The following PBX1 variants were observed in gnomAD, a reference collection of about 807,000 sequenced individuals.
PBX1 encodes PBX homeobox 1, also known as pre-B-cell leukemia transcription factor 1.
PBX1 carries 6 observed loss-of-function variants against 53.4 expected under a neutral mutation model. The observed-to-expected ratio is 0.11, with a 90% CI of 0.06 to 0.22. PBX1 has a LOEUF of 0.22. Ranked by LOEUF, PBX1 falls within the 10% of genes least tolerant of loss-of-function variation. PBX1 has a pLI of 1.00. For missense variants in PBX1, 251 were observed against 551.4 expected (o/e 0.46, Z 5.46); for synonymous variants, 204 against 212.3 (o/e 0.96, Z 0.34).
chr1:164,748,039 C>T (rs867913826), intron 2 of PBX1, among the ~76,000 whole-genome samples: 10 of 152,040 alleles, frequency 6.6e-5, no homozygotes, highest in African/African-American at 2.4e-4. Flanking sequence ...CAAGTTTAGC[C>T]ATTGTGATAA....
chr1:164,750,692 G>T (rs1666163742), intron 2 of PBX1, among the ~76,000 whole-genome samples: 1 of 152,086 alleles, frequency 6.6e-6, no homozygotes, highest in African/African-American at 2.4e-5. Context: ...TGTTTCAGTG[G>T]GTTCTTTTTA....
At chr1:164,635,741 G>A (rs974206495) in intron 2 of PBX1, among the ~76,000 whole-genome samples, 3 of 152,176 alleles carry the variant, frequency 2.0e-5, no homozygotes, top group Non-Finnish European at 4.4e-5. Context: ...CTATTATATT[G>A]CAACATAACA....
At chr1:164,601,184 C>T (rs763865239) in intron 2 of PBX1, among the ~76,000 whole-genome samples, 3 of 137,696 alleles carry the variant, frequency 2.2e-5, no homozygotes, top group African/African-American at 8.4e-5. Context: ...TGCAGTGAGC[C>T]GAGATTGTGC....
At chr1:164,616,125 C>T (rs1657261645) in intron 2 of PBX1, among the ~76,000 whole-genome samples, 1 of 152,192 alleles carries the variant, frequency 6.6e-6, no homozygotes, top group Non-Finnish European at 1.5e-5. Context: ...CTCTCCACCT[C>T]TGGAGTGGCA....
intron 2 of PBX1, among the ~76,000 whole-genome samples, chr1:164,781,321 G>A (rs967008218): frequency 1.3e-5 from 2 of 152,156 alleles, no homozygotes; most frequent in Non-Finnish European, 2.9e-5. Flanking sequence ...TCTCCTCTAA[G>A]TAGGGTGCAT....
chr1:164,848,218 G>T lies in PBX1; in HGVS notation c.*1542G>T. 1 of 1,051,560 alleles carries T rather than the reference G, an allele frequency of 9.5e-7. No homozygotes were observed. The highest frequency in any genetic ancestry group is 1.1e-6 in the Non-Finnish European group (1 of 870,712). 65.1% of individuals were successfully genotyped at this position (1,051,560 alleles called of 1,614,324 possible). A position where few individuals can be genotyped will look rare whatever the true frequency, so the allele number is the denominator to read the frequency against. ...TGTACTAAAAATACATGAGAAAATAGCATGTATATGAAAGCTATTCTCAAA... is the reference window on the plus strand; with the variant it reads ...TGTACTAAAAATACATGAGAAAATATCATGTATATGAAAGCTATTCTCAAA... On this transcript the variant is annotated 3_prime_UTR_variant, in exon 9 of 9. Transcript: ENST00000420696.
chr1:164,606,549 C>T (rs930634228), intron 2 of PBX1, among the ~76,000 whole-genome samples: 5 of 152,200 alleles, frequency 3.3e-5, no homozygotes, highest in African/African-American at 9.6e-5. Flanking sequence ...GCACTCCAGC[C>T]TGAACAACAG....
chr1:164,645,327 A>G (rs73026089), intron 2 of PBX1, among the ~76,000 whole-genome samples: 9,104 of 152,224 alleles, frequency 0.06, 333 homozygotes, highest in South Asian at 0.11. Flanking sequence ...TCCCATTTAC[A>G]TGGGGAAAAG....
In PBX1 at chr1:164,805,870, T is replaced by C. The variant is rs564041539; in HGVS notation, c.702-1672T>C. Among the ~76,000 whole-genome samples, 21 of 152,300 alleles carry C rather than the reference T, an allele frequency of 1.4e-4. No homozygotes were observed. The South Asian group carries it at 3.9e-3, about 29-fold the overall frequency. On this transcript the variant is annotated intron_variant, in intron 4 of 8. Transcript: ENST00000420696. ...GGAGAGTGACTTGGGCTTGGCATAA[T>C]CTGGACAGATGTGGTTAATACCTGT...
Position 164,797,640 on chromosome 1 carries a change from A to G in PBX1, c.511-2059A>G, listed in dbSNP as rs376746433. Among the ~76,000 whole-genome samples, 7 of 152,274 alleles carry G rather than the reference A, an allele frequency of 4.6e-5. No homozygotes were observed. The South Asian group carries it at 1.5e-3, about 32-fold the overall frequency. ...AAAGGAGGTATTTATTACCACCTTT[A>G]CTTTTACCAAGAGGGAAATTGAACT... On this transcript the variant is annotated intron_variant, in intron 3 of 8. Coordinates refer to ENST00000420696, the MANE Select transcript of PBX1 (RefSeq NM_002585.4).
intron 8 of PBX1, among the ~76,000 whole-genome samples, chr1:164,845,266 T>C (rs1308222436): frequency 6.6e-6 from 1 of 152,126 alleles, no homozygotes; most frequent in Admixed American, 6.5e-5. Context: ...GTGTTCTCAG[T>C]CGTGAACCGG....
chr1:164,722,740 C>T (rs1664476882), intron 2 of PBX1, among the ~76,000 whole-genome samples: 1 of 152,154 alleles, frequency 6.6e-6, no homozygotes, highest in Non-Finnish European at 1.5e-5. Flanking sequence ...AAGACCATGC[C>T]TTAGCAACCA....
chr1:164,664,843 GC>G (rs1432162868), intron 2 of PBX1, among the ~76,000 whole-genome samples: 3 of 152,108 alleles, frequency 2.0e-5, no homozygotes, highest in African/African-American at 7.2e-5. Flanking sequence ...AGACTTATTT[GC>G]TATCAAGAGA....
chr1:164,836,835 T>C (rs1399711326), intron 8 of PBX1, among the ~76,000 whole-genome samples: 1 of 152,190 alleles, frequency 6.6e-6, no homozygotes, highest in East Asian at 1.9e-4. Context: ...TTTGAAAGTT[T>C]CTATTGTGAT....
At chr1:164,756,276 T>G (rs1224346509) in intron 2 of PBX1, among the ~76,000 whole-genome samples, 1 of 152,172 alleles carries the variant, frequency 6.6e-6, no homozygotes, top group Non-Finnish European at 1.5e-5. Context: ...ACCCAAGTCC[T>G]TGTCACAAAA....
intron 2 of PBX1, among the ~76,000 whole-genome samples, chr1:164,784,922 A>G (rs930766214): frequency 1.3e-5 from 2 of 152,212 alleles, no homozygotes; most frequent in Non-Finnish European, 2.9e-5. Context: ...CTTAAAAACA[A>G]TAATATCTTA....
chr1:164,779,098 C>G (rs564425631), intron 2 of PBX1, among the ~76,000 whole-genome samples: 2 of 147,434 alleles, frequency 1.4e-5, no homozygotes, highest in African/African-American at 5.0e-5. Flanking sequence ...GGCTGGAGTG[C>G]AGTGGCGCTA....
At chr1:164,614,501 C>T (rs1363213996) in intron 2 of PBX1, among the ~76,000 whole-genome samples, 1 of 152,110 alleles carries the variant, frequency 6.6e-6, no homozygotes, top group Non-Finnish European at 1.5e-5. Context: ...TCCTACCTCC[C>T]CTATTCTCTA....
intron 2 of PBX1, among the ~76,000 whole-genome samples, chr1:164,601,790 C>T (rs1571041215): frequency 1.3e-5 from 2 of 152,130 alleles, no homozygotes; most frequent in African/African-American, 2.4e-5. Context: ...GATGAGACCC[C>T]TTAGCCTGTG....
Sources: gnomAD v4.1 joint callset for allele counts (sites outside exome capture counted in the v4.1 genomes callset) on GRCh38, gnomAD v4.1.1 for gene constraint, MANE v1.5 for transcripts, NCBI Gene and HGNC (gene_info 2026-07-23, HGNC 2026-07-21) for gene names.